The following ACSS2 variants were observed in gnomAD, a reference collection of about 807,000 sequenced individuals.
ACSS2 encodes the protein acetyl-coenzyme A synthetase, cytoplasmic.
ACSS2 carries 58 observed loss-of-function variants against 90.6 expected under a neutral mutation model. The ratio of observed to expected loss-of-function variants is 0.64; its 90% CI spans 0.52 to 0.80. ACSS2 has a LOEUF of 0.80. Among genes scored for constraint, ACSS2 ranks in the 30% least tolerant of loss-of-function variants. The pLI is 0.00. For synonymous variants in ACSS2, 300 were observed against 330.9 expected (o/e 0.91, Z 1.01); for missense variants, 759 against 912.0 (o/e 0.83, Z 2.16).
At chr20:34,885,073 G>T (rs906963487) in intron 2 of ACSS2, among the ~76,000 whole-genome samples, 1 of 152,026 alleles carries the variant, frequency 6.6e-6, no homozygotes, top group Non-Finnish European at 1.5e-5. Flanking sequence ...GGTGGTGCAC[G>T]CCTGTAGTCC....
At chr20:34,913,318 G>T in intron 3 of ACSS2, 75 bp from the exon 4 acceptor site, 1 of 1,544,674 alleles carries the variant, frequency 6.5e-7, no homozygotes. Context: ...AGCTGGGAGG[G>T]AGGCCAGCTG....
intron 3 of ACSS2, 96 bp downstream of exon 3, chr20:34,913,283 T>C: frequency 6.4e-7 from 1 of 1,555,472 alleles, no homozygotes; most frequent in Non-Finnish European, 8.9e-7. Context: ...GGAAAGAATT[T>C]GGTAACAGAG....
At chr20:34,884,859 G>A (rs1209391314) in intron 2 of ACSS2, among the ~76,000 whole-genome samples, 2 of 152,140 alleles carry the variant, frequency 1.3e-5, no homozygotes, top group Non-Finnish European at 2.9e-5. Context: ...AGGAGTTTGA[G>A]ACCAGCCTGG....
At chr20:34,926,354 AG>A in intron 16 of ACSS2, 73 bp downstream of exon 16, 5 of 1,528,578 alleles carry the variant, frequency 3.3e-6, no homozygotes, top group Non-Finnish European at 4.4e-6. Flanking sequence ...GTTGTTGGGG[AG>A]GGGCTAGAGC....
rs761186205 is a variant in ACSS2 at position 34,913,245 on chromosome 20, T to A, written c.466+58T>A. On this transcript the variant is annotated intron_variant, in intron 3 of 17. Coordinates refer to ENST00000360596, the MANE Select transcript of ACSS2 (RefSeq NM_018677.4). ...TCTGGCCTTGGGGTATCTGAGTATC[T>A]GAGACTTATGGGGAGAGGGCAAGGG... 82 of 1,581,554 alleles carry A rather than the reference T, an allele frequency of 5.2e-5. 1 individual carries two copies. Among genetic ancestry groups the A allele is most frequent in the Middle Eastern group, 1.7e-4 (1 of 5,998 alleles).
At chr20:34,894,911 G>A (rs140722449) in intron 2 of ACSS2, among the ~76,000 whole-genome samples, 1 of 152,246 alleles carries the variant, frequency 6.6e-6, no homozygotes, top group African/African-American at 2.4e-5. Flanking sequence ...TTTAGTTTAT[G>A]TAAATAATTA....
chr20:34,881,681 G>A (rs565380724), intron 1 of ACSS2, among the ~76,000 whole-genome samples: 32 of 152,094 alleles, frequency 2.1e-4, no homozygotes, highest in African/African-American at 7.5e-4. Context: ...TCATCTTTCA[G>A]ATTTTAGCAA....
rs774885512 is a variant in ACSS2, at chr20:34,919,463, G to A, written c.863G>A (p.Trp288Ter). 9 of 1,613,462 alleles carry A rather than the reference G, an allele frequency of 5.6e-6. No individual in the cohort carries two copies. The highest frequency in any genetic ancestry group is 6.8e-6 in the Non-Finnish European group (8 of 1,180,010). Residue 288 changes from tryptophan (W) to a stop codon, truncating the protein, a stop_gained, in exon 8 of 18, where the codon TGG becomes TAG. Transcript: ENST00000360596. LOFTEE classifies it high-confidence loss of function. ...QISWNQGIDLWWHELMQEAGD... is the reference protein window; with the variant it reads ...QISWNQGIDL ...TCATGGAACCAAGGGATTGACTTGT[G>A]GTGGCATGAGCTCATGCAAGAGGCA... is the stretch of plus-strand genomic sequence containing the variant.
intron 2 of ACSS2, among the ~76,000 whole-genome samples, chr20:34,906,291 C>T (rs139954879): frequency 0.035 from 5,094 of 147,318 alleles, 124 homozygotes; most frequent in Non-Finnish European, 0.052. Flanking sequence ...GCCGAGACTG[C>T]GGCACTGCAC....
intron 2 of ACSS2, among the ~76,000 whole-genome samples, chr20:34,895,102 A>C (rs952895542): frequency 1.3e-5 from 2 of 152,200 alleles, no homozygotes; most frequent in Non-Finnish European, 2.9e-5. Context: ...AAACTCTTAA[A>C]ATTATATACC....
At chr20:34,923,930 T>C (rs2081260516) in intron 14 of ACSS2, among the ~76,000 whole-genome samples, 1 of 151,836 alleles carries the variant, frequency 6.6e-6, no homozygotes, top group African/African-American at 2.4e-5. Flanking sequence ...ATCAGTTGGT[T>C]AGGGGTAAAG....
At chr20:34,885,857 A>G (rs1601290164) in intron 2 of ACSS2, among the ~76,000 whole-genome samples, 1 of 152,132 alleles carries the variant, frequency 6.6e-6, no homozygotes, top group African/African-American at 2.4e-5. Flanking sequence ...CCATTTTTAC[A>G]TTGGTCACTC....
chr20:34,914,122 G>A lies in ACSS2; in HGVS notation c.670G>A (p.Val224Met), dbSNP rs1333475263. Reference sequence around the variant, plus strand: ...TGCCTTCTACAGGGGGGAAAAGCTTGTGAACCTGAAGGAGCTGGCTGACGA... The same window carrying A: ...TGCCTTCTACAGGGGGGAAAAGCTTATGAACCTGAAGGAGCTGGCTGACGA... The part of the protein sequence containing the change: ...TDAFYRGEKL[V>M]NLKELADEAL... Residue 224 changes from valine (V) to methionine (M), a missense_variant, in exon 6 of 18, where the codon GTG becomes ATG. Val to Met is a conservative substitution (Grantham distance 21, BLOSUM62 1). Coordinates refer to ENST00000360596, the MANE Select transcript of ACSS2 (RefSeq NM_018677.4). 2 of 1,614,192 alleles carry A rather than the reference G, an allele frequency of 1.2e-6. No individual in the cohort carries two copies. The highest frequency in any genetic ancestry group is 1.7e-5 in the Admixed American group (1 of 60,028).
chr20:34,919,276 G>A (rs190065714), intron 7 of ACSS2, among the ~76,000 whole-genome samples, 159 bp from the exon 8 acceptor site: 1 of 152,164 alleles, frequency 6.6e-6, no homozygotes, highest in East Asian at 1.9e-4. Context: ...CTTGGGTTCT[G>A]CTCCTGTTCT....
At chr20:34,913,730 T>C in intron 4 of ACSS2, 23 bp from the exon 5 acceptor site, 12 of 1,610,732 alleles carry the variant, frequency 7.5e-6, no homozygotes, top group Non-Finnish European at 8.5e-6. Context: ...CTTCTCTCCC[T>C]CAGACTTTCT....
chr20:34,894,087 G>T (rs963356678), intron 2 of ACSS2, among the ~76,000 whole-genome samples: 1 of 152,132 alleles, frequency 6.6e-6, no homozygotes, highest in Non-Finnish European at 1.5e-5. Context: ...TTTAATACAT[G>T]AAAATCTATC....
At chr20:34,908,917 T>A in intron 2 of ACSS2, 1 of 444,286 alleles carries the variant, frequency 2.3e-6, no homozygotes, top group South Asian at 1.6e-5. Flanking sequence ...CCACTTCTGG[T>A]AATTCATCCT....
At chr20:34,899,399 T>C (rs35470839) in intron 2 of ACSS2, among the ~76,000 whole-genome samples, 2,197 of 94,102 alleles carry the variant, frequency 0.023, 52 homozygotes, top group African/African-American at 0.12. Context: ...TCTTTCTTTC[T>C]TTCCTTCTTT....
In ACSS2 at chr20:34,882,970, G is replaced by T. The variant is rs140291665; in HGVS notation, c.355G>T (p.Asp119Tyr). Residue 119 changes from aspartate (D) to tyrosine (Y), a missense_variant, in exon 2 of 18, where the codon GAT (aspartate) becomes TAT (tyrosine). Asp to Tyr is a radical substitution (Grantham distance 160, BLOSUM62 -3). Transcript: ENST00000360596. ...AAATGTCCATGAGAAAAAGCTTGGA[G>T]ATAAAGTTGCTTTTTACTGGTAAAA... ...DRNVHEKKLG[D>Y]KVAFYWEGNE... is the part of the protein sequence containing the mutation. 92 of 1,602,686 alleles carry T rather than the reference G, an allele frequency of 5.7e-5. No individual in the cohort carries two copies. The highest frequency in any genetic ancestry group is 7.5e-5 in the Non-Finnish European group (88 of 1,176,920).
Sources: gnomAD v4.1 joint callset for allele counts (sites outside exome capture counted in the v4.1 genomes callset) on GRCh38, gnomAD v4.1.1 for gene constraint, MANE v1.5 for transcripts, NCBI Gene and HGNC (gene_info 2026-07-23, HGNC 2026-07-21) for gene names.